The following SNX29 variants were observed in gnomAD, a reference collection of about 807,000 sequenced individuals.
SNX29 encodes sorting nexin-29.
In SNX29, 78 loss-of-function variants were observed where a neutral mutation model predicts 102.1. The ratio of observed to expected loss-of-function variants is 0.76; its 90% CI spans 0.64 to 0.92. The LOEUF is 0.92. SNX29 is among the 40% of genes least tolerant of loss of function. The pLI, the probability that SNX29 is intolerant of heterozygous loss-of-function variation, is 0.00. For missense variants in SNX29, 1,280 were observed against 1,061.7 expected (o/e 1.21, Z -2.86); for synonymous variants, 580 against 414.5 (o/e 1.40, Z -4.85).
chr16:12,365,188 G>T (rs1194795466), intron 16 of SNX29, among the ~76,000 whole-genome samples: 2 of 152,020 alleles, frequency 1.3e-5, no homozygotes, highest in Admixed American at 6.5e-5. Flanking sequence ...GGTGTCTGTT[G>T]TGCTCCAGGC....
intron 13 of SNX29, among the ~76,000 whole-genome samples, chr16:12,131,450 C>T (rs2054464560): frequency 6.6e-6 from 1 of 152,136 alleles, no homozygotes. Context: ...CCTTCTAGCA[C>T]TGCTTAGGAG....
intron 13 of SNX29, among the ~76,000 whole-genome samples, chr16:12,192,621 C>T (rs2076671477): frequency 6.6e-6 from 1 of 152,224 alleles, no homozygotes. Flanking sequence ...AAGTGATCCT[C>T]CTGCCTCAGC....
chr16:12,475,297 G>T (rs1002920738), intron 18 of SNX29, among the ~76,000 whole-genome samples: 1 of 152,176 alleles, frequency 6.6e-6, no homozygotes, highest in African/African-American at 2.4e-5. Context: ...CCAGTGGTTG[G>T]TAAGATTTGG....
In SNX29 at chr16:12,051,885, G is replaced by C; in HGVS notation, c.787G>C (p.Val263Leu). 1 of 1,611,658 alleles carries C rather than the reference G, an allele frequency of 6.2e-7. No individual in the cohort carries two copies. Among genetic ancestry groups the C allele is most frequent in the Non-Finnish European group, 8.5e-7 (1 of 1,179,506 alleles). Residue 263 changes from valine to leucine, a missense_variant, in exon 8 of 21, where the codon GTG becomes CTG. Physicochemically the swap from Val to Leu is conservative, Grantham distance 32. Coordinates refer to ENST00000566228, the MANE Select transcript of SNX29 (RefSeq NM_032167.5). ...AAAGGAGCGGAAGAAGAAAAAGAAA[G>C]TGACCAACATAATCTCATTTGATGA... Reference protein sequence around the residue: ...CKKERKKKKKVTNIISFDDEE... With the variant: ...CKKERKKKKKLTNIISFDDEE...
rs990902657 is a variant in SNX29, at chr16:12,278,485, C to A, written c.1782+449C>A. On this transcript the variant is annotated intron_variant, in intron 15 of 20. Coordinates refer to ENST00000566228, the MANE Select transcript of SNX29 (RefSeq NM_032167.5). ...CCCTCAAAAGAAAAGAAAAAAAAAACCAAAACATTTTGGAATAAAGTTGTA... is the reference window on the plus strand; with the variant it reads ...CCCTCAAAAGAAAAGAAAAAAAAAAACAAAACATTTTGGAATAAAGTTGTA... Among the ~76,000 whole-genome samples, 17 of 151,822 alleles carry A rather than the reference C, an allele frequency of 1.1e-4. No individual in the cohort carries two copies. In the South Asian group the frequency reaches 1.2e-3, roughly 11 times the overall value.
chr16:12,331,514 T>C (rs2081291064), intron 15 of SNX29, among the ~76,000 whole-genome samples: 1 of 152,178 alleles, frequency 6.6e-6, no homozygotes, highest in African/African-American at 2.4e-5. Context: ...AGCCTCAGTT[T>C]CCCCACCTGT....
At chr16:12,494,008 A>T (rs191638950) in intron 19 of SNX29, among the ~76,000 whole-genome samples, 1 of 151,630 alleles carries the variant, frequency 6.6e-6, no homozygotes, top group Admixed American at 6.6e-5. Flanking sequence ...TCCTTTGGCT[A>T]TTTTTCTTCT....
chr16:12,424,475 G>A (rs930783959), intron 18 of SNX29, among the ~76,000 whole-genome samples: 1 of 152,120 alleles, frequency 6.6e-6, no homozygotes, highest in Non-Finnish European at 1.5e-5. Context: ...TTCCTTGGGC[G>A]ACTAGAACCA....
In SNX29 at chr16:12,569,417, G is replaced by C. The variant is rs1479194937; in HGVS notation, c.*788G>C. The C allele has an allele frequency of 4.3e-6, 1 of 230,688 alleles. No individual in the cohort carries two copies. Among genetic ancestry groups the C allele is most frequent in the Non-Finnish European group, 8.6e-6 (1 of 116,562 alleles). The allele number at this position is 230,688 out of a possible 1,614,324, so 14.3% of individuals were successfully genotyped here. On this transcript the variant is annotated 3_prime_UTR_variant, in exon 21 of 21. Transcript: ENST00000566228. ...ATCAGCAGCAACCTAGTAACCCGGC[G>C]TCATCCAGCGTGTCCAAAGTAGCAT...
At chr16:12,187,687 T>C (rs1387096510) in intron 13 of SNX29, among the ~76,000 whole-genome samples, 1 of 152,168 alleles carries the variant, frequency 6.6e-6, no homozygotes, top group East Asian at 1.9e-4. Context: ...AACCCCCTTT[T>C]TTTGAAGGTG....
At position 12,346,004 on chromosome 16, in the gene SNX29, CT is replaced by C. The variant is rs1361189862; in HGVS notation, c.1783-10158del. ...CAACCCAAGCCAGTCCCACTCCCCC[CT>C]CCCCACCGCCATTCCTAGTATTATT... On this transcript the variant is annotated intron_variant, in intron 15 of 20. Transcript: ENST00000566228. 5.6e-4 allele frequency among the ~76,000 whole-genome samples: 85 copies of C among 152,342 alleles called. 1 individual carries two copies. The highest frequency in any genetic ancestry group is 3.1e-4 in the Non-Finnish European group (21 of 68,038).
Position 12,368,652 on chromosome 16 carries a change from T to G in SNX29, c.1899+12373T>G, listed in dbSNP as rs1597103883. ...CCTGCTTGGATAATGCTGAGATCTTTCCTGCCACTGATCCTGAAGGAATAG... is the reference window on the plus strand; with the variant it reads ...CCTGCTTGGATAATGCTGAGATCTTGCCTGCCACTGATCCTGAAGGAATAG... On this transcript the variant is annotated intron_variant, in intron 16 of 20. Transcript: ENST00000566228. Among the ~76,000 whole-genome samples, 8 of 152,344 alleles carry G rather than the reference T, an allele frequency of 5.3e-5. No homozygotes were observed. In the South Asian group the frequency reaches 1.7e-3, roughly 32 times the overall value.
chr16:12,562,984 G>T (rs80194485), intron 20 of SNX29, among the ~76,000 whole-genome samples: 2 of 121,564 alleles, frequency 1.6e-5, no homozygotes, highest in Non-Finnish European at 3.5e-5. Flanking sequence ...GGGCTGATGC[G>T]TAAGAAAAAC....
chr16:12,343,878 G>A (rs1490667243), intron 15 of SNX29, among the ~76,000 whole-genome samples: 1 of 152,208 alleles, frequency 6.6e-6, no homozygotes, highest in Non-Finnish European at 1.5e-5. Flanking sequence ...GTGCAGGGAG[G>A]TGCATTTGAC....
intron 13 of SNX29, among the ~76,000 whole-genome samples, chr16:12,179,789 T>C (rs2076341335): frequency 6.6e-6 from 1 of 152,226 alleles, no homozygotes; most frequent in African/African-American, 2.4e-5. Flanking sequence ...AAATCAGTAT[T>C]GTGGATCCAA....
At chr16:12,006,293 A>G (rs922255836) in intron 3 of SNX29, among the ~76,000 whole-genome samples, 2 of 151,966 alleles carry the variant, frequency 1.3e-5, no homozygotes, top group Non-Finnish European at 2.9e-5. Flanking sequence ...AGGCGGAAGG[A>G]TCACCTGAAG....
At chr16:12,498,468 A>G (rs1313008900) in intron 19 of SNX29, among the ~76,000 whole-genome samples, 3 of 152,224 alleles carry the variant, frequency 2.0e-5, no homozygotes, top group Non-Finnish European at 4.4e-5. Context: ...CTGGGCTAGT[A>G]AATAAGTAAA....
chr16:12,269,267 A>T (rs922205902), intron 14 of SNX29, among the ~76,000 whole-genome samples: 1 of 152,226 alleles, frequency 6.6e-6, no homozygotes, highest in Non-Finnish European at 1.5e-5. Flanking sequence ...TTTCCCGTGA[A>T]TAAGGTAGAT....
At chr16:12,280,520 C>T (rs2079397706) in intron 15 of SNX29, among the ~76,000 whole-genome samples, 1 of 151,538 alleles carries the variant, frequency 6.6e-6, no homozygotes, top group South Asian at 2.1e-4. Flanking sequence ...CCTTTCTTTT[C>T]CTTCTTGTTT....
Sources: gnomAD v4.1 joint callset for allele counts (sites outside exome capture counted in the v4.1 genomes callset) on GRCh38, gnomAD v4.1.1 for gene constraint, MANE v1.5 for transcripts, NCBI Gene and HGNC (gene_info 2026-07-23, HGNC 2026-07-21) for gene names.